Variants in GAB3 observed in about 807,000 individuals in gnomAD.
GAB3 encodes GRB2-associated-binding protein 3.
GAB3 carries 12 observed loss-of-function variants against 40.4 expected under a neutral mutation model. That is an observed-to-expected ratio of 0.30 (90% confidence interval 0.19 to 0.48). GAB3 has a LOEUF of 0.48. Ranked by LOEUF, GAB3 falls within the 20% of genes least tolerant of loss-of-function variation. GAB3 has a pLI of 0.99. For synonymous variants in GAB3, 154 were observed against 176.7 expected, an observed-to-expected ratio of 0.87 and a Z score of 1.02; for missense variants, 381 against 461.9, an observed-to-expected ratio of 0.82 and a Z score of 1.61.
chrX:154,751,431 C>T, upstream of GAB3: 2 of 596,655 alleles, frequency 3.4e-6, no homozygotes, highest in Non-Finnish European at 4.0e-6. Flanking sequence ...CCCCAATCCG[C>T]CACGCCAAAC....
rs782271160 is a variant in GAB3, at chrX:154,713,360, A to G, written c.443T>C (p.Leu148Pro). ...SLQPSSASSL[L>P]TAHAASSSLP... ...AGAGGAGCTGGCAGCATGGGCGGTA[A>G]GAAGGGAGCTGGCAGAGGATGGCTG... The change falls in exon 3 of 10, where the codon CTT becomes CCT. Residue 148 changes from leucine to proline, a missense_variant. Physicochemically the swap from Leu to Pro is moderately conservative, Grantham distance 98. Coordinates refer to ENST00000424127, the MANE Select transcript of GAB3 (RefSeq NM_001081573.3). 6 of 1,210,516 alleles carry G rather than the reference A, an allele frequency of 5.0e-6. No homozygotes were observed. Among genetic ancestry groups the G allele is most frequent in the Non-Finnish European group, 6.7e-6 (6 of 895,304 alleles).
At chrX:154,685,542 C>CT (rs1260304798) in intron 8 of GAB3, among the ~76,000 whole-genome samples, 2 of 110,364 alleles carry the variant, frequency 1.8e-5, no homozygotes, top group Non-Finnish European at 3.8e-5. Flanking sequence ...TATTTTTTTC[C>CT]TTTTTTGGTA....
At chrX:154,692,870 G>A (rs1163817137) in intron 8 of GAB3, among the ~76,000 whole-genome samples, 4 of 112,297 alleles carry the variant, frequency 3.6e-5, no homozygotes, top group Non-Finnish European at 7.5e-5. Context: ...AATGTAAAAT[G>A]GTGCAGTCAC....
At chrX:154,702,205 C>T (rs782439576) in intron 4 of GAB3, among the ~76,000 whole-genome samples, 3 of 111,818 alleles carry the variant, frequency 2.7e-5, no homozygotes, top group Non-Finnish European at 3.8e-5. Flanking sequence ...GAAACAAATC[C>T]ACACACCTAC....
At position 154,707,170 on chromosome X, in the gene GAB3, A is replaced by AT. The variant is rs781788470; in HGVS notation, c.1069+5058dup. On this transcript the variant is annotated intron_variant, in intron 4 of 9. Transcript: ENST00000424127. ...AGGACAATCTCCCTCATGAACACAG[A>AT]TTTTTTTTGAAGTTCTAAACAAAAT... is the stretch of plus-strand genomic sequence containing the variant. Among the ~76,000 whole-genome samples the AT allele has an allele frequency of 2.1e-4, 23 of 111,323 alleles. 1 individual carries two copies. Among genetic ancestry groups the AT allele is most frequent in the Non-Finnish European group, 3.6e-4 (19 of 52,985 alleles).
intron 4 of GAB3, among the ~76,000 whole-genome samples, chrX:154,706,269 A>G (rs1244524752): frequency 1.8e-5 from 2 of 110,258 alleles, no homozygotes; most frequent in East Asian, 5.7e-4. Context: ...TACAAAAATT[A>G]GCTGGGCATG....
intron 8 of GAB3, among the ~76,000 whole-genome samples, chrX:154,683,660 G>GT (rs782581147): frequency 1.8e-3 from 205 of 112,215 alleles, no homozygotes; most frequent in Middle Eastern, 4.7e-3. Flanking sequence ...GTAGTCTGCA[G>GT]TATAAGTCAA....
upstream of GAB3, chrX:154,751,222 A>G: frequency 4.5e-6 from 1 of 223,746 alleles, no homozygotes; most frequent in Non-Finnish European, 6.3e-6. Context: ...ACGGCGGGAA[A>G]AGCAAGCAGC....
chrX:154,706,668 G>A (rs1011202227), intron 4 of GAB3, among the ~76,000 whole-genome samples: 2 of 110,767 alleles, frequency 1.8e-5, no homozygotes, highest in African/African-American at 6.6e-5. Flanking sequence ...ATCCCAGTAC[G>A]TTGGGAAGCT....
chrX:154,710,976 CAT>C (rs1163638878), intron 4 of GAB3, among the ~76,000 whole-genome samples: 8 of 112,259 alleles, frequency 7.1e-5, no homozygotes, highest in South Asian at 7.3e-4. Flanking sequence ...ACTGTTCACA[CAT>C]GTTAGCATAT....
At chrX:154,696,234 T>C (rs2148429579) in intron 7 of GAB3, 1 of 239,948 alleles carries the variant, frequency 4.2e-6, no homozygotes, top group Admixed American at 5.8e-5. Context: ...CTGCTTTTTC[T>C]CAGGCCCTCT....
At chrX:154,697,355 C>G in intron 6 of GAB3, 142 bp from the exon 7 acceptor site, 1 of 396,714 alleles carries the variant, frequency 2.5e-6, no homozygotes, top group Non-Finnish European at 4.3e-6. Context: ...CACTGTCCTC[C>G]TCTTCCCTGC....
At chrX:154,726,829 C>A (rs1422861517) in intron 1 of GAB3, among the ~76,000 whole-genome samples, 2 of 111,234 alleles carry the variant, frequency 1.8e-5, no homozygotes, top group Non-Finnish European at 3.8e-5. Flanking sequence ...ATATCCAAAC[C>A]ACTAGTGAGT....
At chrX:154,689,087 C>T (rs1274180691) in intron 8 of GAB3, among the ~76,000 whole-genome samples, 2 of 111,192 alleles carry the variant, frequency 1.8e-5, no homozygotes, top group African/African-American at 6.5e-5. Context: ...GGGCTTCATC[C>T]CTGGGATGCA....
intron 9 of GAB3, 27 bp from the exon 10 acceptor site, chrX:154,678,321 C>A: frequency 1.3e-6 from 1 of 756,796 alleles, no homozygotes; most frequent in South Asian, 2.3e-5. Flanking sequence ...AAAAGGTTTT[C>A]ATTACATCTA....
intron 7 of GAB3, among the ~76,000 whole-genome samples, chrX:154,696,324 A>T (rs1464680329): frequency 1.0e-5 from 1 of 98,678 alleles, no homozygotes; most frequent in African/African-American, 3.8e-5. Context: ...AAAAAAAAAT[A>T]CTCCTTTGGG....
chrX:154,751,032 C>T lies in GAB3; in HGVS notation c.-7G>A, dbSNP rs1436236877. ...CTGCGTCGCCCGCACTCATCGTGGC[C>T]GCCGCCGCCGCTTCCTCCAGCTGGG... On this transcript the variant is annotated 5_prime_UTR_variant, in exon 1 of 10. Transcript: ENST00000424127. 2.5e-6 allele frequency: 2 copies of T among 790,734 alleles called. No homozygotes were observed. The highest frequency in any genetic ancestry group is 2.3e-5 in the African/African-American group (1 of 43,206). 65.2% of individuals were successfully genotyped at this position (790,734 alleles called of 1,213,427 possible).
At chrX:154,696,534 G>A (rs1557250809) in intron 7 of GAB3, among the ~76,000 whole-genome samples, 3 of 111,293 alleles carry the variant, frequency 2.7e-5, no homozygotes, top group South Asian at 3.8e-4. Context: ...AGAGTGAACC[G>A]AGAAACTCCT....
At chrX:154,733,127 T>G (rs1406288882) in intron 1 of GAB3, among the ~76,000 whole-genome samples, 1 of 112,338 alleles carries the variant, frequency 8.9e-6, no homozygotes, top group Non-Finnish European at 1.9e-5. Flanking sequence ...GCCCTTTCTT[T>G]CCTCCCAAGA....
Sources: gnomAD v4.1 joint callset for allele counts (sites outside exome capture counted in the v4.1 genomes callset) on GRCh38, gnomAD v4.1.1 for gene constraint, MANE v1.5 for transcripts, NCBI Gene and HGNC (gene_info 2026-07-23, HGNC 2026-07-21) for gene names.